Variants in CPA6 observed in about 807,000 individuals in gnomAD.
CPA6 encodes the protein carboxypeptidase B.
A neutral mutation model predicts 63.3 loss-of-function variants in CPA6; 58 were observed. The observed-to-expected ratio is 0.92, with a 90% CI of 0.74 to 1.14. The LOEUF is 1.14. Ranked by LOEUF, CPA6 falls within the 50% of genes most tolerant of loss-of-function variation. CPA6 has a pLI of 0.00. For synonymous variants in CPA6, 185 were observed against 179.0 expected (o/e 1.03, Z -0.27); for missense variants, 565 against 526.6 (o/e 1.07, Z -0.71).
intron 1 of CPA6, among the ~76,000 whole-genome samples, chr8:67,693,151 T>C (rs548970845): frequency 6.6e-6 from 1 of 152,392 alleles, no homozygotes; most frequent in Admixed American, 6.5e-5. Flanking sequence ...AAATTCCTTC[T>C]GTTTTCCATT....
At chr8:67,720,055 G>A (rs1407222124) in intron 1 of CPA6, among the ~76,000 whole-genome samples, 1 of 152,134 alleles carries the variant, frequency 6.6e-6, no homozygotes, top group East Asian at 1.9e-4. Context: ...GGCTGAGTCC[G>A]AAAAGAGAGT....
At chr8:67,583,529 G>A (rs541608590) in intron 2 of CPA6, among the ~76,000 whole-genome samples, 1 of 152,212 alleles carries the variant, frequency 6.6e-6, no homozygotes, top group South Asian at 2.1e-4. Flanking sequence ...TAGTATGTTG[G>A]AGAAGTTGAA....
At position 67,638,017 on chromosome 8, in the gene CPA6, A is replaced by ATGTG. The variant is rs1291963317; in HGVS notation, c.117-13770_117-13767dup. Among the ~76,000 whole-genome samples, 3 of 146,200 alleles carry ATGTG rather than the reference A, an allele frequency of 2.1e-5. No individual in the cohort carries two copies. In the East Asian group the frequency reaches 5.9e-4, roughly 29 times the overall value. On this transcript the variant is annotated intron_variant, in intron 1 of 10. Transcript: ENST00000297770. Reference sequence around the variant, plus strand: ...TGTGTGTGTGTGTGTGCATGCATGCATGTGTGTTTGTGTATGTGGTATATC... The same window carrying ATGTG: ...TGTGTGTGTGTGTGTGCATGCATGCATGTGTGTGTGTTTGTGTATGTGGTATATC...
chr8:67,676,328 T>C (rs1816474242), intron 1 of CPA6, among the ~76,000 whole-genome samples: 1 of 152,218 alleles, frequency 6.6e-6, no homozygotes, highest in South Asian at 2.1e-4. Flanking sequence ...CACGTTCAAA[T>C]AGGGCTTAAA....
In CPA6 at chr8:67,506,836, T is replaced by C. The variant is rs376266840; in HGVS notation, c.587A>G (p.His196Arg). Residue 196 changes from histidine (H) to arginine (R), a missense_variant, in exon 6 of 11, where the codon CAT (histidine) becomes CGT (arginine). Transcript: ENST00000297770. ...KRAVWIDCGI[H>R]AREWIGPAFC... ...GGCAGGACCAATCCATTCTCTTGCA[T>C]GAATACCACAGTCTATCCAAACAGC... 59 of 1,613,572 alleles carry C rather than the reference T, an allele frequency of 3.7e-5. No homozygotes were observed. The highest frequency in any genetic ancestry group is 4.7e-5 in the Non-Finnish European group (55 of 1,179,682).
At chr8:67,456,937 G>C (rs539731174) in intron 8 of CPA6, among the ~76,000 whole-genome samples, 87 of 152,314 alleles carry the variant, frequency 5.7e-4, no homozygotes, top group Admixed American at 1.6e-3. Flanking sequence ...TGGAGGAAGA[G>C]CTCTCAGGGC....
At chr8:67,432,103 G>C (rs1406054397) in intron 9 of CPA6, among the ~76,000 whole-genome samples, 1 of 152,206 alleles carries the variant, frequency 6.6e-6, no homozygotes, top group Non-Finnish European at 1.5e-5. Context: ...GGATGGTAAT[G>C]AGATGACTTG....
At chr8:67,559,235 T>C (rs1026455378) in intron 2 of CPA6, among the ~76,000 whole-genome samples, 1 of 152,234 alleles carries the variant, frequency 6.6e-6, no homozygotes, top group Admixed American at 6.5e-5. Context: ...TTTTTATATA[T>C]GTGACCTCAT....
chr8:67,533,599 T>C (rs1812522834), intron 2 of CPA6, among the ~76,000 whole-genome samples: 1 of 152,234 alleles, frequency 6.6e-6, no homozygotes, highest in African/African-American at 2.4e-5. Context: ...CCTGCTCTGA[T>C]TGCAGAACTA....
At chr8:67,744,058 T>C (rs940098005) in intron 1 of CPA6, among the ~76,000 whole-genome samples, 1 of 152,208 alleles carries the variant, frequency 6.6e-6, no homozygotes, top group African/African-American at 2.4e-5. Context: ...CAGAAAGTAG[T>C]TTTGGAGTAA....
rs1343400817 is a variant in CPA6, at chr8:67,599,934, GGAACT to G, written c.192+24237_192+24241del. ...ATTTCTTAATCTTAGGTTTAACAAA[GGAACT>G]GACTTCAGAAAGATGGTAGAAACTA... On this transcript the variant is annotated intron_variant, in intron 2 of 10. Coordinates refer to ENST00000297770, the MANE Select transcript of CPA6 (RefSeq NM_020361.5). Among the ~76,000 whole-genome samples, 3 of 152,114 alleles carry G rather than the reference GGAACT, an allele frequency of 2.0e-5. No homozygotes were observed. The East Asian group carries it at 5.8e-4, about 29-fold the overall frequency.
chr8:67,523,592 A>G (rs1180353346), intron 2 of CPA6, among the ~76,000 whole-genome samples: 1 of 152,200 alleles, frequency 6.6e-6, no homozygotes, highest in African/African-American at 2.4e-5. Context: ...TAAATGATAA[A>G]TAATTCAAAA....
chr8:67,618,921 A>T (rs933035208), intron 2 of CPA6, among the ~76,000 whole-genome samples: 2 of 152,150 alleles, frequency 1.3e-5, no homozygotes, highest in Non-Finnish European at 2.9e-5. Context: ...TAACAATTTA[A>T]TTGGTTGGTG....
intron 2 of CPA6, among the ~76,000 whole-genome samples, chr8:67,556,425 T>C (rs1813062464): frequency 6.6e-6 from 1 of 152,120 alleles, no homozygotes. Flanking sequence ...TGCACAGAAC[T>C]TGAAGGTGAA....
In CPA6 at chr8:67,617,920, C is replaced by T. The variant is rs532436392; in HGVS notation, c.192+6256G>A. Among the ~76,000 whole-genome samples, 570 of 143,408 alleles carry T rather than the reference C, an allele frequency of 4.0e-3. 3 individuals carry two copies. Among genetic ancestry groups the T allele is most frequent in the African/African-American group, 0.013 (527 of 40,280 alleles). The allele number at this position is 143,408 out of a possible 152,430, so 94.1% of individuals were successfully genotyped here. ...TTTCTTGCCATGGGGCAGTTCACGGCATGGCTGTTTGTTTTTGCAGGCTAG... is the reference window on the plus strand; with the variant it reads ...TTTCTTGCCATGGGGCAGTTCACGGTATGGCTGTTTGTTTTTGCAGGCTAG... On this transcript the variant is annotated intron_variant, in intron 2 of 10. Coordinates refer to ENST00000297770, the MANE Select transcript of CPA6 (RefSeq NM_020361.5).
intron 2 of CPA6, among the ~76,000 whole-genome samples, chr8:67,619,446 A>G (rs1037552992): frequency 6.6e-6 from 1 of 152,228 alleles, no homozygotes; most frequent in African/African-American, 2.4e-5. Flanking sequence ...AGCTGTTAAA[A>G]CAGCCCTTAT....
chr8:67,549,256 T>C (rs1019685941), intron 2 of CPA6, among the ~76,000 whole-genome samples: 3 of 151,996 alleles, frequency 2.0e-5, no homozygotes, highest in African/African-American at 7.3e-5. Flanking sequence ...AGGAAGAAAA[T>C]AAGGAGAAGA....
At chr8:67,713,083 ATGTG>A (rs368243285) in intron 1 of CPA6, among the ~76,000 whole-genome samples, 6,898 of 74,900 alleles carry the variant, frequency 0.092, 789 homozygotes, top group Non-Finnish European at 0.12. Flanking sequence ...CTGTGTGTGT[ATGTG>A]TGTGTGTGTG....
At chr8:67,668,778 G>C (rs1816284338) in intron 1 of CPA6, among the ~76,000 whole-genome samples, 1 of 151,144 alleles carries the variant, frequency 6.6e-6, no homozygotes, top group South Asian at 2.1e-4. Context: ...CCTCTATCAA[G>C]AAGCACATAA....
Sources: gnomAD v4.1 joint callset for allele counts (sites outside exome capture counted in the v4.1 genomes callset) on GRCh38, gnomAD v4.1.1 for gene constraint, MANE v1.5 for transcripts, NCBI Gene and HGNC (gene_info 2026-07-23, HGNC 2026-07-21) for gene names.